ATG7: variants seen among roughly 807,000 people sequenced by gnomAD.
ATG7 encodes ubiquitin-like modifier-activating enzyme ATG7.
A neutral mutation model predicts 82.4 loss-of-function variants in ATG7; 70 were observed. The observed-to-expected ratio is 0.85, with a 90% confidence interval of 0.70 to 1.04. The LOEUF is 1.04. ATG7 is among the 50% of genes least tolerant of loss of function. The probability of loss-of-function intolerance (pLI) is 0.00; values close to 1 mark genes in which losing one functional copy is unlikely to be tolerated. For missense variants in ATG7, 792 were observed against 864.3 expected, an observed-to-expected ratio of 0.92 and a Z score of 1.05; for synonymous variants, 287 against 313.0, an observed-to-expected ratio of 0.92 and a Z score of 0.88.
At chr3:11,458,167 T>G (rs1046225387) in intron 20 of ATG7, among the ~76,000 whole-genome samples, 1 of 152,146 alleles carries the variant, frequency 6.6e-6, no homozygotes, top group Admixed American at 6.5e-5. Context: ...AATTGGCTAC[T>G]CAAAGCCAAT....
At chr3:11,330,399 A>G (rs1254416636) in intron 9 of ATG7, among the ~76,000 whole-genome samples, 1 of 152,212 alleles carries the variant, frequency 6.6e-6, no homozygotes, top group Non-Finnish European at 1.5e-5. Context: ...ACTTTGGGTT[A>G]TAATTCAACA....
At chr3:11,524,499 C>T (rs995800953) in intron 20 of ATG7, among the ~76,000 whole-genome samples, 5 of 152,142 alleles carry the variant, frequency 3.3e-5, no homozygotes, top group African/African-American at 1.2e-4. Context: ...TGACTCATAC[C>T]TATAATCCCA....
chr3:11,456,239 T>C (rs2085700702), intron 20 of ATG7, among the ~76,000 whole-genome samples: 1 of 152,210 alleles, frequency 6.6e-6, no homozygotes, highest in South Asian at 2.1e-4. Context: ...AATCCTGTAA[T>C]ATATGGGCTC....
At chr3:11,520,054 C>T (rs2092401710) in intron 20 of ATG7, among the ~76,000 whole-genome samples, 3 of 152,140 alleles carry the variant, frequency 2.0e-5, no homozygotes, top group Admixed American at 6.5e-5. Flanking sequence ...GATCCCGTCC[C>T]ATCCCCCAGA....
intron 20 of ATG7, among the ~76,000 whole-genome samples, chr3:11,485,283 G>A (rs2089490823): frequency 6.6e-6 from 1 of 152,206 alleles, no homozygotes; most frequent in Non-Finnish European, 1.5e-5. Flanking sequence ...GCATTTCTCT[G>A]ATAGCCAGTG....
At chr3:11,458,808 G>C (rs1197535284) in intron 20 of ATG7, among the ~76,000 whole-genome samples, 1 of 152,202 alleles carries the variant, frequency 6.6e-6, no homozygotes, top group Non-Finnish European at 1.5e-5. Flanking sequence ...GTACTGGTCC[G>C]AGGCCTGTTA....
At chr3:11,353,928 G>A (rs938021488) in intron 14 of ATG7, among the ~76,000 whole-genome samples, 2 of 152,218 alleles carry the variant, frequency 1.3e-5, no homozygotes, top group African/African-American at 4.8e-5. Context: ...GAGGTCATGA[G>A]CACCCTTTAC....
At chr3:11,463,573 C>T (rs2086546287) in intron 20 of ATG7, among the ~76,000 whole-genome samples, 1 of 152,110 alleles carries the variant, frequency 6.6e-6, no homozygotes, top group East Asian at 1.9e-4. Flanking sequence ...TTAAATGATT[C>T]AGGACTCTTG....
At chr3:11,482,771 C>T (rs1421189155) in intron 20 of ATG7, among the ~76,000 whole-genome samples, 3 of 151,734 alleles carry the variant, frequency 2.0e-5, no homozygotes, top group South Asian at 4.2e-4. Context: ...GCTTTTCAAC[C>T]CTTTTATTAT....
At position 11,364,879 on chromosome 3, in the gene ATG7, C is replaced by A. The variant is rs75390140; in HGVS notation, c.1875+145C>A. 5 of 786,130 alleles carry A rather than the reference C, an allele frequency of 6.4e-6. No individual in the cohort carries two copies. In the East Asian group the frequency reaches 1.3e-4, roughly 21 times the overall value. The allele number at this position is 786,130 out of a possible 1,614,324, so 48.7% of individuals were successfully genotyped here. On this transcript the variant is annotated intron_variant, in intron 18 of 20. Coordinates refer to ENST00000693202, the MANE Select transcript of ATG7 (RefSeq NM_001349232.2). The stretch of plus-strand genomic sequence containing the variant: ...GATTTCAATGGGAGAGCTTTCTGAC[C>A]ACCTGGAAGGTATTCCATTCTGCGG...
At chr3:11,389,927 T>C (rs748014531) in intron 19 of ATG7, among the ~76,000 whole-genome samples, 77 of 152,260 alleles carry the variant, frequency 5.1e-4, no homozygotes, top group Non-Finnish European at 9.3e-4. Context: ...TTGTGTTATG[T>C]GCGAAGGCCT....
chr3:11,273,692 G>T (rs1442387577), intron 1 of ATG7, among the ~76,000 whole-genome samples: 3 of 152,068 alleles, frequency 2.0e-5, no homozygotes, highest in Non-Finnish European at 4.4e-5. Context: ...TATGTGCCTG[G>T]CATTATTGTG....
intron 20 of ATG7, among the ~76,000 whole-genome samples, chr3:11,493,993 G>T (rs1277777000): frequency 1.3e-5 from 2 of 152,170 alleles, no homozygotes; most frequent in Non-Finnish European, 2.9e-5. Context: ...AGGTGAAAGA[G>T]AAAACCAAAG....
intron 19 of ATG7, among the ~76,000 whole-genome samples, chr3:11,426,480 C>G (rs1326696721): frequency 6.6e-6 from 1 of 152,044 alleles, no homozygotes; most frequent in East Asian, 1.9e-4. Context: ...TGGCTTTTCT[C>G]TCACCTGTTC....
chr3:11,502,595 G>A (rs1191600083), intron 20 of ATG7, among the ~76,000 whole-genome samples: 1 of 151,732 alleles, frequency 6.6e-6, no homozygotes, highest in African/African-American at 2.4e-5. Flanking sequence ...TGGTGTATAT[G>A]TGCCACATTT....
chr3:11,355,364 CA>C (rs1192855267), intron 14 of ATG7, among the ~76,000 whole-genome samples: 1 of 152,026 alleles, frequency 6.6e-6, no homozygotes, highest in East Asian at 1.9e-4. Flanking sequence ...ATACTATGAA[CA>C]AAAAATGGTA....
At chr3:11,442,120 C>T (rs568647365) in intron 20 of ATG7, among the ~76,000 whole-genome samples, 10 of 152,162 alleles carry the variant, frequency 6.6e-5, no homozygotes, top group Admixed American at 3.3e-4. Context: ...TTTCTTTCAA[C>T]GGTAACCTGT....
At chr3:11,494,609 G>A (rs1031724704) in intron 20 of ATG7, among the ~76,000 whole-genome samples, 6 of 152,166 alleles carry the variant, frequency 3.9e-5, no homozygotes, top group African/African-American at 1.4e-4. Context: ...GTTCCATTTG[G>A]CAAAGTCCTT....
intron 20 of ATG7, among the ~76,000 whole-genome samples, chr3:11,462,739 C>T (rs905335688): frequency 1.3e-5 from 2 of 152,208 alleles, no homozygotes; most frequent in South Asian, 2.1e-4. Flanking sequence ...TCGCCACCCC[C>T]CCAGGGGCAG....
Sources: gnomAD v4.1 joint callset for allele counts (sites outside exome capture counted in the v4.1 genomes callset) on GRCh38, gnomAD v4.1.1 for gene constraint, MANE v1.5 for transcripts, NCBI Gene and HGNC (gene_info 2026-07-23, HGNC 2026-07-21) for gene names.